The following ORAI3 variants were observed in gnomAD, a reference collection of about 807,000 sequenced individuals.
The protein encoded by ORAI3 is ORAI calcium release-activated calcium modulator 3.
In ORAI3, 15 loss-of-function variants were observed where a neutral mutation model predicts 17.2. The ratio of observed to expected loss-of-function variants is 0.87; its 90% CI spans 0.58 to 1.34. ORAI3 has a LOEUF of 1.34. Ranked by LOEUF, ORAI3 falls within the 40% of genes most tolerant of loss-of-function variation. ORAI3 has a pLI of 0.00. For missense variants in ORAI3, 405 were observed against 396.7 expected (o/e 1.02, Z -0.18); for synonymous variants, 178 against 172.4 (o/e 1.03, Z -0.25).
chr16:30,949,578 G>T (rs544034853), intron 1 of ORAI3, 61 bp downstream of exon 1: 8 of 776,826 alleles, frequency 1.0e-5, no homozygotes, highest in African/African-American at 5.8e-5. Context: ...ACAGGTCGGG[G>T]GGGGGGCGAA....
In ORAI3 at chr16:30,954,359, G is replaced by C; in HGVS notation, c.*515G>C. On this transcript the variant is annotated 3_prime_UTR_variant, in exon 2 of 2. Coordinates refer to ENST00000318663, the MANE Select transcript of ORAI3 (RefSeq NM_152288.3). ...CAGCCTCCCAGGTAGTGAGTAGCTG[G>C]TACTACAGGTGTGTGCTGCCACACC... 1.9e-6 allele frequency: 1 copy of C among 529,700 alleles called. No homozygotes were observed. The highest frequency in any genetic ancestry group is 3.4e-6 in the Non-Finnish European group (1 of 296,024). The allele number at this position is 529,700 out of a possible 1,614,324, so 32.8% of individuals were successfully genotyped here. A position where few individuals can be genotyped will look rare whatever the true frequency, so the allele number is the denominator to read the frequency against.
Position 30,954,084 on chromosome 16 carries a change from A to G in ORAI3, c.*240A>G, listed in dbSNP as rs1335703890. Reference sequence around the variant, plus strand: ...CCTTGGGTTTTGCAAGCTACTCTGCACCTGGGCTGGCCTCAGTTGAAGGAT... The same window carrying G: ...CCTTGGGTTTTGCAAGCTACTCTGCGCCTGGGCTGGCCTCAGTTGAAGGAT... On this transcript the variant is annotated 3_prime_UTR_variant, in exon 2 of 2. Transcript: ENST00000318663. 4 of 704,010 alleles carry G rather than the reference A, an allele frequency of 5.7e-6. No homozygotes were observed. The highest frequency in any genetic ancestry group is 2.0e-5 in the Admixed American group (1 of 49,990). The allele number at this position is 704,010 out of a possible 1,614,324, so 43.6% of individuals were successfully genotyped here.
At position 30,953,949 on chromosome 16, in the gene ORAI3, A is replaced by G; in HGVS notation, c.*105A>G. The G allele has an allele frequency of 7.8e-7, 1 of 1,283,806 alleles. No individual in the cohort carries two copies. The highest frequency in any genetic ancestry group is 1.1e-6 in the Non-Finnish European group (1 of 915,330). 79.5% of individuals were successfully genotyped at this position (1,283,806 alleles called of 1,614,324 possible). On this transcript the variant is annotated 3_prime_UTR_variant, in exon 2 of 2. Coordinates refer to ENST00000318663, the MANE Select transcript of ORAI3 (RefSeq NM_152288.3). ...ATCCCCCCATCCCCTGGCTGGAGCCACTTCCAGTGGCCACTCTCAGGCAGA... is the reference window on the plus strand; with the variant it reads ...ATCCCCCCATCCCCTGGCTGGAGCCGCTTCCAGTGGCCACTCTCAGGCAGA...
intron 1 of ORAI3, 184 bp downstream of exon 1, chr16:30,949,701 C>A: frequency 3.4e-6 from 2 of 581,046 alleles, no homozygotes; most frequent in Non-Finnish European, 6.0e-6. Flanking sequence ...GTACAGGGGA[C>A]CCCAGGAGAC....
In ORAI3 at chr16:30,954,200, G is replaced by A. The variant is rs923413628; in HGVS notation, c.*356G>A. On this transcript the variant is annotated 3_prime_UTR_variant, in exon 2 of 2. Coordinates refer to ENST00000318663, the MANE Select transcript of ORAI3 (RefSeq NM_152288.3). ...TTTCCATTCCTATACAGGATGTGAA[G>A]GTCAGAAGGCAGCCAATTGTTGGTT... 1 of 669,504 alleles carries A rather than the reference G, an allele frequency of 1.5e-6. No individual in the cohort carries two copies. Among genetic ancestry groups the A allele is most frequent in the African/African-American group, 1.8e-5 (1 of 55,052 alleles). The allele number at this position is 669,504 out of a possible 1,614,324, so 41.5% of individuals were successfully genotyped here. A position where few individuals can be genotyped will look rare whatever the true frequency, so the allele number is the denominator to read the frequency against.
In ORAI3 at chr16:30,954,541, T is replaced by C. The variant is rs899183981; in HGVS notation, c.*697T>C. On this transcript the variant is annotated 3_prime_UTR_variant, in exon 2 of 2. Coordinates refer to ENST00000318663, the MANE Select transcript of ORAI3 (RefSeq NM_152288.3). ...TTATGGTTGGCATTTTGGGGGAAGA[T>C]TTCGATGGGTTCCACATTCTTGCTT... 1.1e-5 allele frequency: 2 copies of C among 179,848 alleles called. No homozygotes were observed. The highest frequency in any genetic ancestry group is 2.4e-5 in the Non-Finnish European group (2 of 85,070). The allele number at this position is 179,848 out of a possible 1,614,324, so 11.1% of individuals were successfully genotyped here. A position where few individuals can be genotyped will look rare whatever the true frequency, so the allele number is the denominator to read the frequency against.
rs1330405041 is a variant in ORAI3 at position 30,949,366 on chromosome 16, C to T, written c.77C>T (p.Thr26Met). 6 of 1,566,784 alleles carry T rather than the reference C, an allele frequency of 3.8e-6. No homozygotes were observed. The highest frequency in any genetic ancestry group is 2.4e-5 in the East Asian group (1 of 41,350). The change falls in exon 1 of 2, where the codon ACG becomes ATG. Residue 26 changes from threonine (T) to methionine (M), a missense_variant. Physicochemically the swap from Thr to Met is moderately conservative, Grantham distance 81. Transcript: ENST00000318663. ...GGCGAGAGCCCTGCAGGCTCGGCCA[C>T]GTACCGGGAGTTCGTGCACCGCGGC... ...PEGESPAGSA[T>M]YREFVHRGYL...
rs35221000 is a variant in ORAI3, at chr16:30,949,276, G to GCCCCCC, written c.-9_-4dup. On this transcript the variant is annotated 5_prime_UTR_variant, in exon 1 of 2. Coordinates refer to ENST00000318663, the MANE Select transcript of ORAI3 (RefSeq NM_152288.3). Reference sequence around the variant, plus strand: ...CGCCCCGTAGTGACCGCCTGGTGCCGCCCCCCCCCCAGGATGAAGGGCGGC... The same window carrying GCCCCCC: ...CGCCCCGTAGTGACCGCCTGGTGCCGCCCCCCCCCCCCCCCCAGGATGAAGGGCGGC... 1 of 1,136,130 alleles carries GCCCCCC rather than the reference G, an allele frequency of 8.8e-7. No individual in the cohort carries two copies. Among genetic ancestry groups the GCCCCCC allele is most frequent in the Non-Finnish European group, 1.1e-6 (1 of 872,372 alleles). The allele number at this position is 1,136,130 out of a possible 1,614,324, so 70.4% of individuals were successfully genotyped here.
At position 30,949,230 on chromosome 16, in the gene ORAI3, C is replaced by A. The variant is rs878861057; in HGVS notation, c.-60C>A. The stretch of plus-strand genomic sequence containing the variant: ...CGCCCCCGGGCTTGGGCCGGCCCGG[C>A]TGGGGCCCCCGAGGCGCTTCCGCCC... On this transcript the variant is annotated 5_prime_UTR_variant, in exon 1 of 2. In the 5' UTR this introduces an upstream ATG that the reference lacks. Transcript: ENST00000318663. 8.0e-7 allele frequency: 1 copy of A among 1,248,052 alleles called. No individual in the cohort carries two copies. The highest frequency in any genetic ancestry group is 1.0e-6 in the Non-Finnish European group (1 of 961,700). The allele number at this position is 1,248,052 out of a possible 1,614,324, so 77.3% of individuals were successfully genotyped here. A position where few individuals can be genotyped will look rare whatever the true frequency, so the allele number is the denominator to read the frequency against.
Position 30,949,307 on chromosome 16 carries a change from G to A in ORAI3, c.18G>A (p.Gly6=). The change falls in exon 1 of 2, where the codon GGG becomes GGA. Residue 6 remains glycine (G), a synonymous_variant. Coordinates refer to ENST00000318663, the MANE Select transcript of ORAI3 (RefSeq NM_152288.3). MKGGE[G]DAGEQAPLNP... ...CCCCCAGGATGAAGGGCGGCGAGGG[G>A]GACGCGGGCGAGCAGGCCCCGCTGA... The A allele has an allele frequency of 7.0e-7, 1 of 1,427,038 alleles. No individual in the cohort carries two copies. Among genetic ancestry groups the A allele is most frequent in the Non-Finnish European group, 9.1e-7 (1 of 1,093,518 alleles). 88.4% of individuals were successfully genotyped at this position (1,427,038 alleles called of 1,614,324 possible). A position where few individuals can be genotyped will look rare whatever the true frequency, so the allele number is the denominator to read the frequency against.
In ORAI3 at chr16:30,949,145, G is replaced by T. The variant is rs2055906719; in HGVS notation, c.-145G>T. On this transcript the variant is annotated 5_prime_UTR_variant, in exon 1 of 2. Transcript: ENST00000318663. ...GACGCTGCTTTTCTTGCTCCACTGG[G>T]GGTGCCTCTTCCTGGGCGCCCGCCG... 1.9e-6 allele frequency: 1 copy of T among 523,712 alleles called. No individual in the cohort carries two copies. The highest frequency in any genetic ancestry group is 2.0e-5 in the African/African-American group (1 of 49,550). The allele number at this position is 523,712 out of a possible 1,614,324, so 32.4% of individuals were successfully genotyped here. A position where few individuals can be genotyped will look rare whatever the true frequency, so the allele number is the denominator to read the frequency against.
In ORAI3 at chr16:30,949,406, G is replaced by A. The variant is rs1458629625; in HGVS notation, c.117G>A (p.Met39Ile). The A allele has an allele frequency of 3.1e-6, 5 of 1,601,284 alleles. No homozygotes were observed. The highest frequency in any genetic ancestry group is 3.4e-5 in the Admixed American group (2 of 58,878). The change falls in exon 1 of 2, where the codon ATG becomes ATA. Residue 39 changes from methionine (M) to isoleucine (I), a missense_variant. Physicochemically the swap from Met to Ile is conservative, Grantham distance 10. Transcript: ENST00000318663. ...TGCACCGCGGCTACCTGGACCTCATGGGGGCCAGTCAGCACTCGCTGCGGG... is the reference window on the plus strand; with the variant it reads ...TGCACCGCGGCTACCTGGACCTCATAGGGGCCAGTCAGCACTCGCTGCGGG... The part of the protein sequence containing the change: ...EFVHRGYLDL[M>I]GASQHSLRAL...
rs35523403 is a variant in ORAI3 at position 30,953,472 on chromosome 16, C to G, written c.516C>G (p.Val172=). The G allele has an allele frequency of 2.1e-4, 337 of 1,614,242 alleles. No homozygotes were observed. The African/African-American group carries it at 4.1e-3, about 20-fold the overall frequency. ...CTGAAGTTGTCCTGGTTGGTTGGGT[C>G]AAGTTTGTGCCCATTGGGGCTCCCT... ...FLAEVVLVGW[V]KFVPIGAPLD... is the part of the protein sequence containing the mutation. The change falls in exon 2 of 2, where the codon GTC becomes GTG. Residue 172 remains valine (V), a synonymous_variant. Coordinates refer to ENST00000318663, the MANE Select transcript of ORAI3 (RefSeq NM_152288.3).
At position 30,953,453 on chromosome 16, in the gene ORAI3, T is replaced by C. The variant is rs2055934499; in HGVS notation, c.497T>C (p.Val166Ala). ...GGCACCTTTCTCTTCCTTGCTGAAG[T>C]TGTCCTGGTTGGTTGGGTCAAGTTT... is the stretch of plus-strand genomic sequence containing the variant. ...ALGTFLFLAE[V>A]VLVGWVKFVP... The change falls in exon 2 of 2, where the codon GTT becomes GCT. Residue 166 changes from valine (V) to alanine (A), a missense_variant. Val to Ala is a moderately conservative substitution (Grantham distance 64). Coordinates refer to ENST00000318663, the MANE Select transcript of ORAI3 (RefSeq NM_152288.3). 2 of 1,614,130 alleles carry C rather than the reference T, an allele frequency of 1.2e-6. No individual in the cohort carries two copies. Among genetic ancestry groups the C allele is most frequent in the African/African-American group, 1.3e-5 (1 of 74,950 alleles).
intron 1 of ORAI3, among the ~76,000 whole-genome samples, chr16:30,951,603 T>C (rs1324803419): frequency 6.6e-6 from 1 of 151,976 alleles, no homozygotes; most frequent in Non-Finnish European, 1.5e-5. Flanking sequence ...GCTCACACCT[T>C]TCATCCCAGC....
chr16:30,953,067 C>CAGA (rs2055931787), intron 1 of ORAI3, 118 bp from the exon 2 acceptor site: 20 of 924,678 alleles, frequency 2.2e-5, no homozygotes, highest in Middle Eastern at 6.8e-4. Flanking sequence ...TCTCTGGTTT[C>CAGA]TGCCAGGCAC....
rs1596660954 is a variant in ORAI3, at chr16:30,949,072, C to A, written c.-218C>A. 2 of 435,904 alleles carry A rather than the reference C, an allele frequency of 4.6e-6. No homozygotes were observed. Among genetic ancestry groups the A allele is most frequent in the East Asian group, 7.2e-5 (2 of 27,644 alleles). 27.0% of individuals were successfully genotyped at this position (435,904 alleles called of 1,614,324 possible). On this transcript the variant is annotated 5_prime_UTR_variant, in exon 1 of 2. Transcript: ENST00000318663. ...CCCCGGCTCCGCCTCTGTCCCAGTT[C>A]CTGTTTTGGCCTCCGCTGTCCCGCT...
Position 30,954,015 on chromosome 16 carries a change from G to T in ORAI3, c.*171G>T, listed in dbSNP as rs780329698. 1.0e-4 allele frequency: 79 copies of T among 774,928 alleles called. No homozygotes were observed. The highest frequency in any genetic ancestry group is 1.7e-4 in the Non-Finnish European group (75 of 451,348). The allele number at this position is 774,928 out of a possible 1,614,324, so 48.0% of individuals were successfully genotyped here. A position where few individuals can be genotyped will look rare whatever the true frequency, so the allele number is the denominator to read the frequency against. On this transcript the variant is annotated 3_prime_UTR_variant, in exon 2 of 2. Transcript: ENST00000318663. The stretch of plus-strand genomic sequence containing the variant: ...CGCAGGGTCCTCTGGGCTGGGCCTT[G>T]GGGCAGCTCCCACATTCCCAGGGAT...
In ORAI3 at chr16:30,953,990, C is replaced by T. The variant is rs770138737; in HGVS notation, c.*146C>T. 9 of 899,210 alleles carry T rather than the reference C, an allele frequency of 1.0e-5. No individual in the cohort carries two copies. Among genetic ancestry groups the T allele is most frequent in the African/African-American group, 4.9e-5 (3 of 60,930 alleles). The allele number at this position is 899,210 out of a possible 1,614,324, so 55.7% of individuals were successfully genotyped here. ...CTCAGGCAGAGTTCAGATTCCTGCC[C>T]GCAGGGTCCTCTGGGCTGGGCCTTG... On this transcript the variant is annotated 3_prime_UTR_variant, in exon 2 of 2. Transcript: ENST00000318663.
Sources: allele counts gnomAD v4.1 joint callset (sites outside exome capture counted in the v4.1 genomes callset), GRCh38; gene constraint gnomAD v4.1.1; transcripts MANE v1.5; gene names NCBI Gene and HGNC (gene_info 2026-07-23, HGNC 2026-07-21).